Variants in PC observed in about 807,000 individuals in gnomAD.
PC encodes the protein pyruvate carboxylase.
A neutral mutation model predicts 107.8 loss-of-function variants in PC; 46 were observed. The ratio of observed to expected loss-of-function variants is 0.43; its 90% CI spans 0.34 to 0.55. PC has a LOEUF of 0.55. Ranked by LOEUF, PC falls within the 20% of genes least tolerant of loss-of-function variation. The pLI, the probability that PC is intolerant of heterozygous loss-of-function variation, is 0.04. For synonymous variants in PC, 662 were observed against 684.7 expected, an observed-to-expected ratio of 0.97 and a Z score of 0.52; for missense variants, 1,241 against 1,643.1, an observed-to-expected ratio of 0.76 and a Z score of 4.23.
At chr11:66,958,065 G>C (rs1949613884) in intron 1 of PC, 1 of 151,290 alleles carries the variant, frequency 6.6e-6, no homozygotes, top group Non-Finnish European at 1.5e-5. Context: ...GCGCTCGGGG[G>C]CTGCAGCCGG....
Position 66,904,903 on chromosome 11 carries a change from C to T in PC, c.1-32744G>A, listed in dbSNP as rs554368992. Among the ~76,000 whole-genome samples, 34 of 152,314 alleles carry T rather than the reference C, an allele frequency of 2.2e-4. No individual in the cohort carries two copies. In the South Asian group the frequency reaches 3.3e-3, roughly 15 times the overall value. On this transcript the variant is annotated intron_variant, in intron 3 of 22. Transcript: ENST00000393960. ...CACTCTACCTCTGGACCTGTTAGTC[C>T]GTCTACAAAACAGATTTATCCCTCT...
intron 3 of PC, among the ~76,000 whole-genome samples, chr11:66,946,445 A>G (rs1005008380): frequency 6.6e-5 from 10 of 151,970 alleles, no homozygotes; most frequent in Admixed American, 3.9e-4. Flanking sequence ...CCTGGCCAAT[A>G]TGGTGAAACC....
At chr11:66,895,625 G>C (rs1470544243) in intron 3 of PC, among the ~76,000 whole-genome samples, 11 of 151,858 alleles carry the variant, frequency 7.2e-5, no homozygotes, top group African/African-American at 2.7e-4. Context: ...AATACAATAA[G>C]ACAAAGCAAT....
At chr11:66,862,986 C>T (rs1322984429) in intron 12 of PC, among the ~76,000 whole-genome samples, 3 of 152,132 alleles carry the variant, frequency 2.0e-5, no homozygotes, top group Non-Finnish European at 2.9e-5. Flanking sequence ...GCAAAGTGAC[C>T]GCATCTACAT....
chr11:66,872,294 G>A, intron 3 of PC, 135 bp from the exon 4 acceptor site: 1 of 1,044,616 alleles, frequency 9.6e-7, no homozygotes, highest in Non-Finnish European at 1.4e-6. Flanking sequence ...GCCTGGCCAA[G>A]CCCAACATTT....
In PC at chr11:66,849,442, GA is replaced by G. The variant is rs1945338173; in HGVS notation, c.3148-73del. 2.5e-6 allele frequency: 4 copies of G among 1,607,528 alleles called. No individual in the cohort carries two copies. In the Admixed American group the frequency reaches 6.7e-5, roughly 27 times the overall value. On this transcript the variant is annotated intron_variant, in intron 21 of 22. Coordinates refer to ENST00000393960, the MANE Select transcript of PC (RefSeq NM_001040716.2). ...AGCAGTCCCCCGGCCCTGGCCATAG[GA>G]AGTCCCCACACTGGGCCTTGGCTCC...
At position 66,850,087 on chromosome 11, in the gene PC, G is replaced by A. The variant is rs149689543; in HGVS notation, c.2748C>T (p.Asp916=). Reference sequence around the variant, plus strand: ...CATTCTGCACCATAAACTGGGCCAGGTCCCCCACGATCTTGGAGGAGGGCG... The same window carrying A: ...CATTCTGCACCATAAACTGGGCCAGATCCCCCACGATCTTGGAGGAGGGCG... ...KVTPSSKIVG[D]LAQFMVQNGL... The change falls in exon 20 of 23, where the codon GAC becomes GAT. Residue 916 remains aspartate, a synonymous_variant. Transcript: ENST00000393960. 3.8e-5 allele frequency: 62 copies of A among 1,613,722 alleles called. No individual in the cohort carries two copies. In the African/African-American group the frequency reaches 6.1e-4, roughly 16 times the overall value.
intron 3 of PC, among the ~76,000 whole-genome samples, chr11:66,906,371 T>C (rs1035897470): frequency 6.6e-6 from 1 of 151,982 alleles, no homozygotes; most frequent in Non-Finnish European, 1.5e-5. Flanking sequence ...CAAAGATCCA[T>C]CCTGATCGGT....
Position 66,944,373 on chromosome 11 carries a change from G to A in PC, c.-1+8057C>T, listed in dbSNP as rs778144818. On this transcript the variant is annotated intron_variant, in intron 3 of 22. Transcript: ENST00000393960. ...GCAGGCGGATCACTTGAGGTCAGGAGTTCGAGACCAGCCTGCCCAACATGG... is the reference window on the plus strand; with the variant it reads ...GCAGGCGGATCACTTGAGGTCAGGAATTCGAGACCAGCCTGCCCAACATGG... Among the ~76,000 whole-genome samples the A allele has an allele frequency of 2.6e-5, 3 of 115,714 alleles. 1 individual carries two copies. The highest frequency in any genetic ancestry group is 5.7e-5 in the Non-Finnish European group (3 of 52,208). The allele number at this position is 115,714 out of a possible 152,430, so 75.9% of individuals were successfully genotyped here. A position where few individuals can be genotyped will look rare whatever the true frequency, so the allele number is the denominator to read the frequency against.
intron 12 of PC, among the ~76,000 whole-genome samples, chr11:66,853,973 G>A (rs2135826125): frequency 6.6e-6 from 1 of 152,314 alleles, no homozygotes; most frequent in East Asian, 1.9e-4. Flanking sequence ...CTGCCTCCCG[G>A]GCCTTTCCTT....
chr11:66,859,155 C>G, intron 12 of PC: 1 of 1,462,040 alleles, frequency 6.8e-7, no homozygotes, highest in South Asian at 1.5e-5. Context: ...CCTCTGCTCC[C>G]CACAAGGCTT....
chr11:66,934,031 T>A (rs986543991), intron 3 of PC, among the ~76,000 whole-genome samples: 3 of 152,152 alleles, frequency 2.0e-5, no homozygotes, highest in Non-Finnish European at 4.4e-5. Flanking sequence ...ACCTCCACCC[T>A]TGCCGGCTTC....
intron 3 of PC, among the ~76,000 whole-genome samples, chr11:66,885,597 G>C (rs1021408523): frequency 6.6e-6 from 1 of 152,132 alleles, no homozygotes; most frequent in African/African-American, 2.4e-5. Context: ...TATAAAAAGG[G>C]GGAAATCTGG....
At chr11:66,942,048 G>C (rs561134764) in intron 3 of PC, among the ~76,000 whole-genome samples, 1 of 150,960 alleles carries the variant, frequency 6.6e-6, no homozygotes, top group Admixed American at 6.6e-5. Flanking sequence ...GTTGTAGTGA[G>C]CCGAGATCGC....
At chr11:66,897,270 C>T (rs1438557690) in intron 3 of PC, among the ~76,000 whole-genome samples, 1 of 152,098 alleles carries the variant, frequency 6.6e-6, no homozygotes, top group Non-Finnish European at 1.5e-5. Context: ...ACTTGATTAT[C>T]TATTCAAAAA....
At chr11:66,934,736 A>AT (rs1948951035) in intron 3 of PC, among the ~76,000 whole-genome samples, 1 of 151,930 alleles carries the variant, frequency 6.6e-6, no homozygotes, top group African/African-American at 2.4e-5. Flanking sequence ...GGTTCAAGTG[A>AT]TTTTCCTACC....
chr11:66,938,083 C>A (rs2136125650), intron 3 of PC, among the ~76,000 whole-genome samples: 1 of 152,256 alleles, frequency 6.6e-6, no homozygotes, highest in African/African-American at 2.4e-5. Flanking sequence ...GTTCTTTAGA[C>A]AAATTTAAAA....
rs1212515265 is a variant in PC at position 66,851,124 on chromosome 11, G to T, written c.2139C>A (p.Pro713=). The T allele has an allele frequency of 6.2e-7, 1 of 1,612,964 alleles. No individual in the cohort carries two copies. Among genetic ancestry groups the T allele is most frequent in the Admixed American group, 1.7e-5 (1 of 60,036 alleles). ...AISYTGDVAD[P]SRTKYSLQYY... ...ACTGCAGTGAGTACTTGGTGCGGCT[G>T]GGGTCGGCCACGTCGCCCGTGTATG... The change falls in exon 17 of 23, where the codon CCC becomes CCA. Residue 713 remains proline, a synonymous_variant. Coordinates refer to ENST00000393960, the MANE Select transcript of PC (RefSeq NM_001040716.2).
chr11:66,901,809 T>C (rs1330877966), intron 3 of PC, among the ~76,000 whole-genome samples: 1 of 152,192 alleles, frequency 6.6e-6, no homozygotes, highest in Non-Finnish European at 1.5e-5. Flanking sequence ...CCTTCAAGCC[T>C]AGTGGTAGTA....
Sources: allele counts gnomAD v4.1 joint callset (sites outside exome capture counted in the v4.1 genomes callset), GRCh38; gene constraint gnomAD v4.1.1; transcripts MANE v1.5; gene names NCBI Gene and HGNC (gene_info 2026-07-23, HGNC 2026-07-21).